STARD10: variants seen among roughly 807,000 people sequenced by gnomAD.
STARD10 encodes START domain-containing protein 10.
A neutral mutation model predicts 36.0 loss-of-function variants in STARD10; 24 were observed. The ratio of observed to expected loss-of-function variants is 0.67; its 90% CI spans 0.48 to 0.94. The LOEUF is 0.94. STARD10 is among the 40% of genes least tolerant of loss of function. The pLI, the probability that STARD10 is intolerant of heterozygous loss-of-function variation, is 0.00. For synonymous variants in STARD10, 156 were observed against 161.9 expected, an observed-to-expected ratio of 0.96 and a Z score of 0.28; for missense variants, 335 against 396.6, an observed-to-expected ratio of 0.84 and a Z score of 1.32.
intron 2 of STARD10, among the ~76,000 whole-genome samples, chr11:72,776,936 G>A (rs1015219603): frequency 6.6e-6 from 1 of 152,172 alleles, no homozygotes; most frequent in Non-Finnish European, 1.5e-5. Flanking sequence ...CAAAGGGGAA[G>A]GGGAGGAGCA....
chr11:72,776,503 G>T (rs1858932411), intron 2 of STARD10, among the ~76,000 whole-genome samples: 1 of 152,178 alleles, frequency 6.6e-6, no homozygotes, highest in Admixed American at 6.5e-5. Context: ...CAATGACACA[G>T]CACAGGGAGA....
intron 2 of STARD10, among the ~76,000 whole-genome samples, chr11:72,777,394 AG>A (rs1339118170): frequency 6.6e-6 from 1 of 152,238 alleles, no homozygotes; most frequent in African/African-American, 2.4e-5. Flanking sequence ...AATGTGCCCA[AG>A]GTCACATGCA....
At chr11:72,787,645 G>A (rs1038503405) in intron 1 of STARD10, among the ~76,000 whole-genome samples, 1 of 152,240 alleles carries the variant, frequency 6.6e-6, no homozygotes, top group Non-Finnish European at 1.5e-5. Context: ...GGGTCGATGC[G>A]TCCTTCCAAA....
At chr11:72,764,887 T>C (rs117315446) in intron 2 of STARD10, among the ~76,000 whole-genome samples, 1 of 152,280 alleles carries the variant, frequency 6.6e-6, no homozygotes, top group East Asian at 1.9e-4. Flanking sequence ...CCAAGGGGTG[T>C]TGCTCCACCA....
At position 72,758,562 on chromosome 11, in the gene STARD10, A is replaced by G. The variant is rs1209529902; in HGVS notation, c.427T>C (p.Tyr143His). Residue 143 changes from tyrosine to histidine, a missense_variant, in exon 4 of 7, where the codon TAC becomes CAC. Tyr to His is a moderately conservative substitution (Grantham distance 83). Coordinates refer to ENST00000334805, the MANE Select transcript of STARD10 (RefSeq NM_006645.3). ...LRSWLPMGADYIIMNYSVKHP... is the reference protein window; with the variant it reads ...LRSWLPMGADHIIMNYSVKHP... ...TTGACTGAGTAGTTCATAATGATGT[A>G]ATCAGCGCCCATGGGGAGCCAGGAG... 4 of 1,614,026 alleles carry G rather than the reference A, an allele frequency of 2.5e-6. No individual in the cohort carries two copies. Among genetic ancestry groups the G allele is most frequent in the Non-Finnish European group, 3.4e-6 (4 of 1,179,976 alleles).
chr11:72,785,319 CT>C (rs942454100), intron 1 of STARD10, among the ~76,000 whole-genome samples: 1 of 151,914 alleles, frequency 6.6e-6, no homozygotes, highest in African/African-American at 2.4e-5. Flanking sequence ...AATCCCAGCA[CT>C]TTGGGAGGCC....
chr11:72,792,305 T>C (rs1754540296), intron 1 of STARD10, among the ~76,000 whole-genome samples: 1 of 152,012 alleles, frequency 6.6e-6, no homozygotes, highest in African/African-American at 2.4e-5. Context: ...TCCGCTCGCC[T>C]CAGCCTCCCA....
At position 72,759,185 on chromosome 11, in the gene STARD10, C is replaced by A. The variant is rs780836809; in HGVS notation, c.355+49G>T. 7.5e-6 allele frequency: 12 copies of A among 1,602,772 alleles called. No homozygotes were observed. In the Middle Eastern group the frequency reaches 5.2e-4, roughly 70 times the overall value. The stretch of plus-strand genomic sequence containing the variant: ...GGGGAAGAGGAGGCTTGGTGGGAGG[C>A]CTGGATGGAGGCCAAGGGGACTGGG... On this transcript the variant is annotated intron_variant, in intron 3 of 6. Transcript: ENST00000334805.
At chr11:72,758,145 TCA>T (rs1565238803) in intron 4 of STARD10, among the ~76,000 whole-genome samples, 1 of 152,142 alleles carries the variant, frequency 6.6e-6, no homozygotes, top group African/African-American at 2.4e-5. Context: ...ATATGGGCAC[TCA>T]CAGACACACA....
chr11:72,755,528 C>G (rs1328979909), intron 6 of STARD10, 173 bp downstream of exon 6: 2 of 742,624 alleles, frequency 2.7e-6, no homozygotes, highest in Non-Finnish European at 2.4e-6. Flanking sequence ...CCAGGCTGGT[C>G]TTGAACTCCC....
rs753661524 is a variant in STARD10, at chr11:72,781,228, T to C, written c.-47A>G. 9 of 1,552,472 alleles carry C rather than the reference T, an allele frequency of 5.8e-6. No individual in the cohort carries two copies. In the East Asian group the frequency reaches 1.8e-4, roughly 31 times the overall value. On this transcript the variant is annotated 5_prime_UTR_variant, in exon 2 of 7. Coordinates refer to ENST00000334805, the MANE Select transcript of STARD10 (RefSeq NM_006645.3). The surrounding 1 kb of genome is among the most constrained non-coding windows in gnomAD (Gnocchi z 4.7). ...GGCCCTGGTCCTAGTCCGGCTCTCC[T>C]GGGTCCTCCGCGGAGGCTCCGACAA...
chr11:72,762,719 G>A (rs1476109656), intron 2 of STARD10, among the ~76,000 whole-genome samples: 1 of 152,090 alleles, frequency 6.6e-6, no homozygotes, highest in Non-Finnish European at 1.5e-5. Context: ...GCTGGGTCGG[G>A]GGATCAGGCT....
chr11:72,792,502 T>C (rs1356937695), intron 1 of STARD10, among the ~76,000 whole-genome samples: 4 of 150,884 alleles, frequency 2.7e-5, no homozygotes, highest in Non-Finnish European at 4.4e-5. Context: ...AAGAGCACTC[T>C]AGAGAGAATC....
At chr11:72,780,812 G>C in intron 2 of STARD10, 163 bp downstream of exon 2, 1 of 729,514 alleles carries the variant, frequency 1.4e-6, no homozygotes, top group Non-Finnish European at 2.3e-6. Context: ...CTGTGTGATG[G>C]GGCTTGGCCC....
chr11:72,779,495 G>A (rs946474281), intron 2 of STARD10, among the ~76,000 whole-genome samples: 6 of 152,184 alleles, frequency 3.9e-5, no homozygotes, highest in African/African-American at 9.7e-5. Context: ...CTGGGAGGCA[G>A]GAGAATCACT....
At chr11:72,770,521 C>CT (rs1414983867) in intron 2 of STARD10, among the ~76,000 whole-genome samples, 1 of 152,182 alleles carries the variant, frequency 6.6e-6, no homozygotes, top group Admixed American at 6.5e-5. Flanking sequence ...CCCAGCCTTA[C>CT]TTTTTTTCTT....
At position 72,758,535 on chromosome 11, in the gene STARD10, G is replaced by A. The variant is rs759069825; in HGVS notation, c.454C>T (p.His152Tyr). ...GGGAAGGCAGGTTGACTCACGGGAT[G>A]TTTGACTGAGTAGTTCATAATGATG... ...DYIIMNYSVK[H>Y]PKYPPRKDLV... Residue 152 changes from histidine (H) to tyrosine (Y), a missense_variant, in exon 4 of 7, where the codon CAT (histidine) becomes TAT (tyrosine). Transcript: ENST00000334805. 3.7e-6 allele frequency: 6 copies of A among 1,613,598 alleles called. No homozygotes were observed. Among genetic ancestry groups the A allele is most frequent in the Non-Finnish European group, 5.1e-6 (6 of 1,179,658 alleles).
chr11:72,772,677 C>T (rs2135619734), intron 2 of STARD10, among the ~76,000 whole-genome samples: 1 of 152,262 alleles, frequency 6.6e-6, no homozygotes, highest in East Asian at 1.9e-4. Context: ...CTCTCTCTCT[C>T]TTTCTCTGCC....
intron 1 of STARD10, among the ~76,000 whole-genome samples, chr11:72,783,759 T>C (rs1859035121): frequency 6.6e-6 from 1 of 151,802 alleles, no homozygotes; most frequent in Non-Finnish European, 1.5e-5. Context: ...GCAGCAAACC[T>C]CTCATACCCA....
Sources: gnomAD v4.1 joint callset for allele counts (sites outside exome capture counted in the v4.1 genomes callset) on GRCh38, gnomAD v4.1.1 for gene constraint, Gnocchi (gnomAD v3.1) non-coding constraint, MANE v1.5 for transcripts, NCBI Gene and HGNC (gene_info 2026-07-23, HGNC 2026-07-21) for gene names.